RGMA: variants seen among roughly 807,000 people sequenced by gnomAD.
RGMA encodes repulsive guidance molecule BMP co-receptor a, also known as repulsive guidance molecule A.
RGMA carries 10 observed loss-of-function variants against 23.2 expected under a neutral mutation model. The observed-to-expected ratio is 0.43, with a 90% CI of 0.27 to 0.73. The LOEUF is 0.73. Among genes scored for constraint, RGMA ranks in the 30% least tolerant of loss-of-function variants. The probability of loss-of-function intolerance (pLI) is 0.20; values close to 1 mark genes in which losing one functional copy is unlikely to be tolerated. For missense variants in RGMA, 547 were observed against 630.5 expected (o/e 0.87, Z 1.42); for synonymous variants, 308 against 279.3 (o/e 1.10, Z -1.03).
chr15:93,069,399 C>G (rs892224546), intron 2 of RGMA, among the ~76,000 whole-genome samples: 1 of 152,182 alleles, frequency 6.6e-6, no homozygotes, highest in African/African-American at 2.4e-5. Context: ...CGTGAGCCAC[C>G]GCGCCTGGCC....
At chr15:93,058,164 T>C (rs1179900355) in intron 2 of RGMA, among the ~76,000 whole-genome samples, 1 of 152,198 alleles carries the variant, frequency 6.6e-6, no homozygotes, top group Non-Finnish European at 1.5e-5. Context: ...ATAAGGATAC[T>C]TGCAATTTCC....
chr15:93,078,796 A>G (rs771440143), intron 1 of RGMA, among the ~76,000 whole-genome samples: 3 of 152,328 alleles, frequency 2.0e-5, no homozygotes, highest in East Asian at 1.9e-4. Context: ...TTGTTTTCCA[A>G]TATCGTTTCT....
intron 3 of RGMA, among the ~76,000 whole-genome samples, chr15:93,049,585 T>C (rs1383390987): frequency 6.6e-6 from 1 of 152,114 alleles, no homozygotes; most frequent in Non-Finnish European, 1.5e-5. Context: ...AACAGAGGGA[T>C]TGGCTGATTG....
At chr15:93,073,108 A>G in intron 1 of RGMA, 77 bp from the exon 2 acceptor site, 1 of 1,390,690 alleles carries the variant, frequency 7.2e-7, no homozygotes, top group South Asian at 1.7e-5. Context: ...CGCCGGCGGG[A>G]GCAGCGAGCC....
At chr15:93,058,526 C>G (rs752150459) in intron 2 of RGMA, among the ~76,000 whole-genome samples, 7 of 152,372 alleles carry the variant, frequency 4.6e-5, no homozygotes, top group Middle Eastern at 3.4e-3. Context: ...CTGAGCTTAA[C>G]TAACAGCTAA....
rs529552253 is a variant in RGMA at position 93,044,013 on chromosome 15, A to T, written c.*985T>A. On this transcript the variant is annotated 3_prime_UTR_variant, in exon 4 of 4. Transcript: ENST00000329082. ...TTAGAGGTTGAAGACCCTGCCAGGG[A>T]TGCTCAGAGCTGAGAGTCCTAAGAC... 3 of 152,412 alleles carry T rather than the reference A, an allele frequency of 2.0e-5. No homozygotes were observed. The highest frequency in any genetic ancestry group is 2.9e-5 in the Non-Finnish European group (2 of 68,130). 9.4% of individuals were successfully genotyped at this position (152,412 alleles called of 1,614,324 possible).
intron 1 of RGMA, among the ~76,000 whole-genome samples, chr15:93,080,667 G>A (rs1481940166): frequency 6.6e-6 from 1 of 152,088 alleles, no homozygotes; most frequent in African/African-American, 2.4e-5. Flanking sequence ...CTCAGTTCAG[G>A]CTGGGCTGGG....
chr15:93,081,390 T>C (rs534102147), intron 1 of RGMA, among the ~76,000 whole-genome samples: 1 of 152,374 alleles, frequency 6.6e-6, no homozygotes, highest in South Asian at 2.1e-4. Context: ...ACATTTCTTA[T>C]GTTTTGATGT....
At chr15:93,084,486 T>G (rs754100629) in intron 1 of RGMA, among the ~76,000 whole-genome samples, 11 of 152,128 alleles carry the variant, frequency 7.2e-5, no homozygotes, top group Non-Finnish European at 1.3e-4. Flanking sequence ...TTTTTGTTTT[T>G]TTTTGAGATG....
rs1206568968 is a variant in RGMA, at chr15:93,044,088, C to T, written c.*910G>A. 1 of 152,408 alleles carries T rather than the reference C, an allele frequency of 6.6e-6. No homozygotes were observed. Among genetic ancestry groups the T allele is most frequent in the African/African-American group, 2.4e-5 (1 of 41,452 alleles). The allele number at this position is 152,408 out of a possible 1,614,324, so 9.4% of individuals were successfully genotyped here. ...ACGTGGATGGACCGGGCTGGGGGCT[C>T]TTGGGGTTGTGAGGAGGAAGCAGAG... is the stretch of plus-strand genomic sequence containing the variant. On this transcript the variant is annotated 3_prime_UTR_variant, in exon 4 of 4. Coordinates refer to ENST00000329082, the MANE Select transcript of RGMA (RefSeq NM_020211.3).
At chr15:93,072,455 G>A (rs565299733) in intron 2 of RGMA, among the ~76,000 whole-genome samples, 55 of 152,302 alleles carry the variant, frequency 3.6e-4, no homozygotes, top group African/African-American at 1.2e-3. Context: ...CTCCGGGGAG[G>A]GGGCTGTCGG....
Position 93,038,646 on chromosome 15 carries a change from C to G in RGMA, c.*6352G>C, listed in dbSNP as rs958843761. On this transcript the variant is annotated 3_prime_UTR_variant, in exon 4 of 4. Coordinates refer to ENST00000329082, the MANE Select transcript of RGMA (RefSeq NM_020211.3). ...CTGGAGTGCAGTGGTGCGATCTCTG[C>G]TTGCTGCAAGTTCTGCCTCCCGGGT... 1 of 146,020 alleles carries G rather than the reference C, an allele frequency of 6.8e-6. No individual in the cohort carries two copies. Among genetic ancestry groups the G allele is most frequent in the Non-Finnish European group, 1.5e-5 (1 of 67,036 alleles). 9.0% of individuals were successfully genotyped at this position (146,020 alleles called of 1,614,324 possible). A position where few individuals can be genotyped will look rare whatever the true frequency, so the allele number is the denominator to read the frequency against.
At chr15:93,050,035 G>A (rs868484222) in intron 3 of RGMA, among the ~76,000 whole-genome samples, 12 of 152,332 alleles carry the variant, frequency 7.9e-5, no homozygotes, top group African/African-American at 9.6e-5. Flanking sequence ...TCCTCCATCC[G>A]GAAACTTGCG....
intron 2 of RGMA, among the ~76,000 whole-genome samples, chr15:93,069,073 A>G (rs1416788365): frequency 1.3e-5 from 2 of 151,896 alleles, no homozygotes; most frequent in African/African-American, 2.4e-5. Context: ...CTGGGAGAGC[A>G]ATAGTGTGGT....
rs1239567004 is a variant in RGMA, at chr15:93,045,603, C to T, written c.748G>A (p.Gly250Ser). Residue 250 changes from glycine (G) to serine (S), a missense_variant, in exon 4 of 4, where the codon GGT (glycine) becomes AGT (serine). Around this residue, in one of 3 missense-constraint regions of RGMA, gnomAD observed 128 missense variants for 191.7 expected, o/e 0.67. Coordinates refer to ENST00000329082, the MANE Select transcript of RGMA (RefSeq NM_020211.3). This position sits in a 1 kb window ranked among gnomAD's most constrained non-coding sequence, Gnocchi z 6.9. ...PAAFVDGSKN[G>S]GDKHGANSLK... is the part of the protein sequence containing the mutation. ...CTGTTGGCCCCGTGCTTGTCCCCACCGTTCTTAGAGCCATCCACGAAGGCG... is the reference window on the plus strand; with the variant it reads ...CTGTTGGCCCCGTGCTTGTCCCCACTGTTCTTAGAGCCATCCACGAAGGCG... The T allele has an allele frequency of 8.7e-6, 14 of 1,613,198 alleles. No individual in the cohort carries two copies. The East Asian group carries it at 8.9e-5, about 10-fold the overall frequency.
chr15:93,044,878 C>T lies in RGMA; in HGVS notation c.*120G>A. On this transcript the variant is annotated 3_prime_UTR_variant, in exon 4 of 4. Transcript: ENST00000329082. ...CCTGAGCCCTTGGCAGCAGGCGGTC[C>T]CTGGCGTTCTGCGGGGCCATGGTGG... The T allele has an allele frequency of 1.2e-6, 1 of 825,860 alleles. No homozygotes were observed. The highest frequency in any genetic ancestry group is 1.9e-6 in the Non-Finnish European group (1 of 531,074). The allele number at this position is 825,860 out of a possible 1,614,324, so 51.2% of individuals were successfully genotyped here.
At position 93,038,610 on chromosome 15, in the gene RGMA, C is replaced by A. The variant is rs146875509; in HGVS notation, c.*6388G>T. The A allele has an allele frequency of 8.6e-6, 1 of 116,836 alleles. No individual in the cohort carries two copies. Among genetic ancestry groups the A allele is most frequent in the South Asian group, 2.4e-4 (1 of 4,114 alleles). The allele number at this position is 116,836 out of a possible 1,614,324, so 7.2% of individuals were successfully genotyped here. ...TGAGACGGTGTCTTGCTCTGTCGCC[C>A]AGGCTGGAGGCTGGAGTGCAGTGGT... is the stretch of plus-strand genomic sequence containing the variant. On this transcript the variant is annotated 3_prime_UTR_variant, in exon 4 of 4. Transcript: ENST00000329082.
intron 1 of RGMA, chr15:93,088,680 G>C: frequency 1.2e-6 from 1 of 842,098 alleles, no homozygotes; most frequent in Admixed American, 4.1e-5. Flanking sequence ...CACGCGCGCT[G>C]GCGGCTGCCC....
At chr15:93,073,496 CT>C in intron 1 of RGMA, 13 of 1,321,844 alleles carry the variant, frequency 9.8e-6, no homozygotes, top group African/African-American at 2.9e-5. Context: ...AGGACGCCCC[CT>C]TAATCCCCTC....
Sources: allele counts gnomAD v4.1 joint callset (sites outside exome capture counted in the v4.1 genomes callset), GRCh38; gene constraint gnomAD v4.1.1; regional missense constraint gnomAD v4.1.1; non-coding constraint Gnocchi (gnomAD v3.1); transcripts MANE v1.5; gene names NCBI Gene and HGNC (gene_info 2026-07-23, HGNC 2026-07-21).